Variants in SND1 observed in about 807,000 individuals in gnomAD.
SND1 encodes the protein staphylococcal nuclease and tudor domain containing 1, also known as staphylococcal nuclease domain-containing protein 1.
In SND1, 38 loss-of-function variants were observed where a neutral mutation model predicts 121.7. The ratio of observed to expected loss-of-function variants is 0.31; its 90% confidence interval spans 0.24 to 0.41. The LOEUF (loss-of-function observed/expected upper bound fraction) is 0.41, where lower values mean the gene tolerates loss of function less well. Ranked by LOEUF, SND1 falls within the 10% of genes least tolerant of loss-of-function variation. The pLI is 1.00. For synonymous variants in SND1, 401 were observed against 447.4 expected (o/e 0.90, Z 1.31); for missense variants, 868 against 1,184.6 (o/e 0.73, Z 3.92).
intron 10 of SND1, among the ~76,000 whole-genome samples, chr7:127,792,610 GA>G (rs1563015173): frequency 6.6e-6 from 1 of 152,174 alleles, no homozygotes; most frequent in Non-Finnish European, 1.5e-5. Context: ...TAAGAACATA[GA>G]AATTTAGAGG....
intron 10 of SND1, among the ~76,000 whole-genome samples, chr7:127,740,028 C>A (rs1796851497): frequency 6.6e-6 from 1 of 152,200 alleles, no homozygotes; most frequent in Admixed American, 6.5e-5. Context: ...TAAACAGTTG[C>A]ACTTCTGGCT....
chr7:127,861,473 G>GTTTTTGT (rs1208347630), intron 12 of SND1, among the ~76,000 whole-genome samples: 1 of 151,914 alleles, frequency 6.6e-6, no homozygotes, highest in Non-Finnish European at 1.5e-5. Flanking sequence ...CATTTGTTTC[G>GTTTTTGT]TTTTTGTTTT....
rs59085312 is a variant in SND1, at chr7:127,766,119, C to T, written c.1153-41365C>T. On this transcript the variant is annotated intron_variant, in intron 10 of 23. Transcript: ENST00000354725. ...GAATTTGGGCTCTTTGTTGCCCCTT[C>T]CATCCTTTCTACCATGTGAGGACGC... Among the ~76,000 whole-genome samples, 582 of 152,272 alleles carry T rather than the reference C, an allele frequency of 3.8e-3. 4 individuals carry two copies. Among genetic ancestry groups the T allele is most frequent in the African/African-American group, 0.013 (555 of 41,542 alleles).
At chr7:127,895,957 G>A (rs1379468693) in intron 13 of SND1, among the ~76,000 whole-genome samples, 1 of 152,050 alleles carries the variant, frequency 6.6e-6, no homozygotes, top group African/African-American at 2.4e-5. Context: ...ATGAGGGGCT[G>A]GGGTATAGCT....
intron 16 of SND1, among the ~76,000 whole-genome samples, chr7:128,014,813 A>T (rs930313265): frequency 2.0e-5 from 3 of 152,034 alleles, no homozygotes; most frequent in Admixed American, 6.5e-5. Context: ...GATTTTTTTT[A>T]AATTCTAGCT....
Position 128,029,235 on chromosome 7 carries a change from G to A in SND1, c.1779+38179G>A, listed in dbSNP as rs770638484. The A allele has an allele frequency of 1.2e-6, 2 of 1,614,156 alleles. No individual in the cohort carries two copies. The highest frequency in any genetic ancestry group is 8.5e-7 in the Non-Finnish European group (1 of 1,180,042). The stretch of plus-strand genomic sequence containing the variant: ...AGGAACAGGCTTGTACTTTCGCGTT[G>A]TGTCCTCAGGCGAGATCTCCGTGGT... On this transcript the variant is annotated intron_variant, in intron 16 of 23. Transcript: ENST00000354725. The surrounding 1 kb of genome is among the most constrained non-coding windows in gnomAD (Gnocchi z 4.2).
At chr7:127,764,038 C>CAAAAAAAA (rs60053474) in intron 10 of SND1, among the ~76,000 whole-genome samples, 8 of 76,432 alleles carry the variant, frequency 1.0e-4, no homozygotes, top group Non-Finnish European at 2.0e-4. Context: ...GACCCTGTCG[C>CAAAAAAAA]AAAAAAAAAA....
Position 128,081,368 on chromosome 7 carries a change from C to T in SND1, c.1977C>T (p.Ala659=). The T allele has an allele frequency of 1.9e-6, 3 of 1,614,158 alleles. No individual in the cohort carries two copies. The highest frequency in any genetic ancestry group is 2.5e-6 in the Non-Finnish European group (3 of 1,180,032). Residue 659 remains alanine, a synonymous_variant, in exon 18 of 24, where the codon GCC becomes GCT. Transcript: ENST00000354725. ...AAKQKKEKVW[A]HYEEQPVEEV... ...GCCGACTGAACATGCAGGTCTGGGC[C>T]CACTATGAGGAGCAGCCCGTGGAGG...
intron 1 of SND1, among the ~76,000 whole-genome samples, chr7:127,667,594 T>C (rs1265622072): frequency 1.3e-5 from 2 of 152,098 alleles, no homozygotes; most frequent in East Asian, 3.9e-4. Flanking sequence ...TCTCTGGGCC[T>C]TGGAACTGGG....
chr7:127,981,174 C>A (rs2116901602), intron 15 of SND1, among the ~76,000 whole-genome samples: 1 of 152,200 alleles, frequency 6.6e-6, no homozygotes, highest in East Asian at 1.9e-4. Context: ...CAGAACACTG[C>A]AGCTCTAGCT....
At chr7:128,036,828 G>A (rs1792759673) in intron 16 of SND1, among the ~76,000 whole-genome samples, 1 of 152,246 alleles carries the variant, frequency 6.6e-6, no homozygotes, top group African/African-American at 2.4e-5. Flanking sequence ...CCCTGAAAAT[G>A]CACTTCTGCA....
intron 4 of SND1, among the ~76,000 whole-genome samples, chr7:127,699,620 G>C (rs1432214931): frequency 6.6e-6 from 1 of 152,170 alleles, no homozygotes; most frequent in African/African-American, 2.4e-5. Flanking sequence ...TGTTAGAAAG[G>C]GGTTGTGTGT....
chr7:128,062,332 G>C (rs540940851), intron 16 of SND1, among the ~76,000 whole-genome samples: 136 of 152,240 alleles, frequency 8.9e-4, no homozygotes, highest in African/African-American at 3.2e-3. Context: ...TATGTACAGG[G>C]GCATAGGACT....
At chr7:127,679,177 A>C (rs1349107874) in intron 1 of SND1, 1 of 152,130 alleles carries the variant, frequency 6.6e-6, no homozygotes, top group Non-Finnish European at 1.5e-5. Flanking sequence ...AGCTTTGTAG[A>C]TTTCACTGAA....
chr7:128,060,104 G>A (rs1057203310), intron 16 of SND1, among the ~76,000 whole-genome samples: 2 of 152,182 alleles, frequency 1.3e-5, no homozygotes, highest in African/African-American at 4.8e-5. Flanking sequence ...GCAAGCAGTT[G>A]CAGCTATTTT....
At chr7:127,889,603 G>C (rs1359072593) in intron 13 of SND1, among the ~76,000 whole-genome samples, 1 of 150,746 alleles carries the variant, frequency 6.6e-6, no homozygotes, top group African/African-American at 2.4e-5. Flanking sequence ...TCAAATACTA[G>C]GTCTTATTGA....
At chr7:127,949,276 G>C (rs1801406215) in intron 15 of SND1, 1 of 152,148 alleles carries the variant, frequency 6.6e-6, no homozygotes, top group African/African-American at 2.4e-5. Context: ...ATACACATTT[G>C]TTTTCCCTGA....
intron 10 of SND1, among the ~76,000 whole-genome samples, chr7:127,781,381 GC>G (rs1383587069): frequency 2.0e-5 from 3 of 150,942 alleles, no homozygotes; most frequent in Non-Finnish European, 1.5e-5. Flanking sequence ...GTTCCTCCCC[GC>G]CCCCCCTTCA....
intron 12 of SND1, among the ~76,000 whole-genome samples, chr7:127,865,201 T>C (rs1213666646): frequency 2.0e-5 from 3 of 152,196 alleles, no homozygotes; most frequent in Non-Finnish European, 2.9e-5. Context: ...TCTACACATA[T>C]GGTGGGTTCC....
Sources: allele counts gnomAD v4.1 joint callset (sites outside exome capture counted in the v4.1 genomes callset), GRCh38; gene constraint gnomAD v4.1.1; non-coding constraint Gnocchi (gnomAD v3.1); transcripts MANE v1.5; gene names NCBI Gene and HGNC (gene_info 2026-07-23, HGNC 2026-07-21).